The following ASCC3 variants were observed in gnomAD, a reference collection of about 807,000 sequenced individuals.
The protein encoded by ASCC3 is ASC-1 complex subunit P200.
In ASCC3, 158 loss-of-function variants were observed where a neutral mutation model predicts 256.3. The observed-to-expected ratio is 0.62, with a 90% confidence interval of 0.54 to 0.70. The LOEUF is 0.70. Among genes scored for constraint, ASCC3 ranks in the 30% least tolerant of loss-of-function variants. The probability of loss-of-function intolerance (pLI) is 0.00; values close to 1 mark genes in which losing one functional copy is unlikely to be tolerated. For synonymous variants in ASCC3, 948 were observed against 883.4 expected (o/e 1.07, Z -1.30); for missense variants, 2,259 against 2,626.0 (o/e 0.86, Z 3.05).
At chr6:100,577,353 T>A (rs1770925855) in intron 36 of ASCC3, among the ~76,000 whole-genome samples, 1 of 152,010 alleles carries the variant, frequency 6.6e-6, no homozygotes, top group Admixed American at 6.6e-5. Flanking sequence ...AAAGAGGGCC[T>A]CTATTCATGA....
At chr6:100,728,012 A>G (rs1248299536) in intron 10 of ASCC3, among the ~76,000 whole-genome samples, 1 of 152,160 alleles carries the variant, frequency 6.6e-6, no homozygotes, top group Admixed American at 6.6e-5. Flanking sequence ...ATCTGCAAAT[A>G]TAACATTATT....
Position 100,718,178 on chromosome 6 carries a change from G to C in ASCC3, c.1976C>G (p.Thr659Arg), listed in dbSNP as rs763808185. 1.2e-5 allele frequency: 20 copies of C among 1,613,580 alleles called. No individual in the cohort carries two copies. In the East Asian group the frequency reaches 4.2e-4, roughly 34 times the overall value. ...ATLPNYLDVA[T>R]FLHVNPYIGL... Reference sequence around the variant, plus strand: ...AATGTATGGATTAACATGTAAAAATGTGGCAACATCGAGGTAGTTAGGTAA... The same window carrying C: ...AATGTATGGATTAACATGTAAAAATCTGGCAACATCGAGGTAGTTAGGTAA... Residue 659 changes from threonine (T) to arginine (R), a missense_variant, in exon 12 of 42, where the codon ACA (threonine) becomes AGA (arginine). Around this residue, in one of 2 missense-constraint regions of ASCC3, gnomAD observed 1,839 missense variants for 2,206.7 expected, o/e 0.83. Transcript: ENST00000369162.
chr6:100,742,650 G>T (rs965864223), intron 10 of ASCC3, among the ~76,000 whole-genome samples: 1 of 152,182 alleles, frequency 6.6e-6, no homozygotes, highest in African/African-American at 2.4e-5. Flanking sequence ...TCTGGCCATG[G>T]TCTGGAAAAG....
chr6:100,804,594 T>C (rs1770076626), intron 5 of ASCC3, among the ~76,000 whole-genome samples: 1 of 151,862 alleles, frequency 6.6e-6, no homozygotes, highest in Admixed American at 6.6e-5. Context: ...CATTAAAAAA[T>C]GGGCAAAGGA....
chr6:100,622,462 C>G (rs1449802687), intron 30 of ASCC3, among the ~76,000 whole-genome samples: 1 of 151,972 alleles, frequency 6.6e-6, no homozygotes, highest in African/African-American at 2.4e-5. Context: ...GGTAAGTTTC[C>G]TGAAACCTCC....
chr6:100,759,435 C>G (rs1444762715), intron 10 of ASCC3, among the ~76,000 whole-genome samples: 1 of 152,080 alleles, frequency 6.6e-6, no homozygotes, highest in African/African-American at 2.4e-5. Flanking sequence ...CAGAAGGGGT[C>G]CAGTTTGAGT....
In ASCC3 at chr6:100,581,299, T is replaced by C. The variant is rs564598302; in HGVS notation, c.5550+8335A>G. 9.9e-5 allele frequency among the ~76,000 whole-genome samples: 15 copies of C among 152,144 alleles called. No homozygotes were observed. In the East Asian group the frequency reaches 2.7e-3, roughly 27 times the overall value. ...CTAACTGGTGTGAGATGGTATCTCA[T>C]TGTGGTTTTGATTTGCATTTCTCTG... On this transcript the variant is annotated intron_variant, in intron 36 of 41. Coordinates refer to ENST00000369162, the MANE Select transcript of ASCC3 (RefSeq NM_006828.4).
At chr6:100,720,426 T>C (rs1040675010) in intron 11 of ASCC3, among the ~76,000 whole-genome samples, 1 of 151,880 alleles carries the variant, frequency 6.6e-6, no homozygotes, top group African/African-American at 2.4e-5. Context: ...TTTCCATAGA[T>C]GGATGGGTGG....
intron 33 of ASCC3, among the ~76,000 whole-genome samples, chr6:100,604,741 C>T (rs1582540837): frequency 6.6e-6 from 1 of 151,996 alleles, no homozygotes; most frequent in South Asian, 2.1e-4. Context: ...CCTTGCCTGG[C>T]TGACTTTTTA....
chr6:100,614,942 G>A (rs760828317), intron 30 of ASCC3, among the ~76,000 whole-genome samples: 2 of 151,918 alleles, frequency 1.3e-5, no homozygotes, highest in Non-Finnish European at 1.5e-5. Flanking sequence ...CTATCTTCAT[G>A]ATTGAGAATG....
In ASCC3 at chr6:100,607,183, GTTA is replaced by G. The variant is rs10570481; in HGVS notation, c.4786-98_4786-96del. The G allele has an allele frequency of 2.8e-3, 3,635 of 1,307,054 alleles. 75 individuals are homozygous for G. In the African/African-American group the frequency reaches 0.048, roughly 17 times the overall value. 81.0% of individuals were successfully genotyped at this position (1,307,054 alleles called of 1,614,324 possible). ...CAAAAAACATTAATTTTGTCTTTATGTTATTATATGGACATAAAATATAAGTCC... is the reference window on the plus strand; with the variant it reads ...CAAAAAACATTAATTTTGTCTTTATGTTATATGGACATAAAATATAAGTCC... On this transcript the variant is annotated intron_variant, in intron 30 of 41. Coordinates refer to ENST00000369162, the MANE Select transcript of ASCC3 (RefSeq NM_006828.4).
intron 33 of ASCC3, among the ~76,000 whole-genome samples, chr6:100,603,195 T>A (rs1582537935): frequency 6.6e-6 from 1 of 152,066 alleles, no homozygotes. Context: ...TATGAAATAC[T>A]ATGTAATACA....
chr6:100,538,862 G>GAA (rs879941076), intron 37 of ASCC3, among the ~76,000 whole-genome samples: 1 of 148,268 alleles, frequency 6.7e-6, no homozygotes, highest in Non-Finnish European at 1.5e-5. Context: ...TGGGTTTTAT[G>GAA]AAAAAAAAAA....
At chr6:100,593,959 T>C (rs1475950181) in intron 34 of ASCC3, among the ~76,000 whole-genome samples, 1 of 152,116 alleles carries the variant, frequency 6.6e-6, no homozygotes, top group Non-Finnish European at 1.5e-5. Flanking sequence ...TATATGTATA[T>C]ATATGTGTTT....
In ASCC3 at chr6:100,651,571, C is replaced by A; in HGVS notation, c.3064G>T (p.Asp1022Tyr). The stretch of plus-strand genomic sequence containing the variant: ...TCAAGAAATCTTACCTTAATTTGAT[C>A]AAATTCTTCAGCTTTGGAGACTATG... The part of the protein sequence containing the change: ...FAIVSKAEEF[D>Y]QIKVREEEIE... Residue 1022 changes from aspartate to tyrosine, a missense_variant, in exon 19 of 42, where the codon GAT (aspartate) becomes TAT (tyrosine). By Grantham distance (160) the Asp-to-Tyr change is radical. This residue lies in a region of ASCC3 where 1,839 missense variants were observed against 2,206.7 expected (regional missense o/e 0.83). Transcript: ENST00000369162. 1.9e-6 allele frequency: 3 copies of A among 1,571,588 alleles called. No individual in the cohort carries two copies. Among genetic ancestry groups the A allele is most frequent in the South Asian group, 2.4e-5 (2 of 83,000 alleles).
chr6:100,802,140 G>T (rs1416098332), intron 5 of ASCC3, among the ~76,000 whole-genome samples: 1 of 151,702 alleles, frequency 6.6e-6, no homozygotes, highest in Non-Finnish European at 1.5e-5. Context: ...GAGTATAACA[G>T]GCAATTTCAA....
chr6:100,778,259 C>T (rs1020208630), intron 8 of ASCC3, among the ~76,000 whole-genome samples: 6 of 152,072 alleles, frequency 3.9e-5, no homozygotes, highest in Non-Finnish European at 7.4e-5. Flanking sequence ...TTCAAACAGG[C>T]AATTACATCA....
Position 100,757,816 on chromosome 6 carries a change from C to A in ASCC3, c.1737+8749G>T, listed in dbSNP as rs114781426. Among the ~76,000 whole-genome samples, 309 of 152,248 alleles carry A rather than the reference C, an allele frequency of 2.0e-3. 1 individual carries two copies. Among genetic ancestry groups the A allele is most frequent in the African/African-American group, 7.2e-3 (299 of 41,538 alleles). On this transcript the variant is annotated intron_variant, in intron 10 of 41. Coordinates refer to ENST00000369162, the MANE Select transcript of ASCC3 (RefSeq NM_006828.4). Reference sequence around the variant, plus strand: ...GGAGTTTCTTTCTGTGTATTCCAGACTGGTGAAGAAGCCCACAACTCAGAA... The same window carrying A: ...GGAGTTTCTTTCTGTGTATTCCAGAATGGTGAAGAAGCCCACAACTCAGAA...
intron 3 of ASCC3, among the ~76,000 whole-genome samples, chr6:100,852,764 C>T (rs539932915): frequency 4.6e-5 from 7 of 152,270 alleles, no homozygotes; most frequent in Non-Finnish European, 8.8e-5. Context: ...AACCTACATA[C>T]TTGGGTATCT....
Sources: gnomAD v4.1 joint callset for allele counts (sites outside exome capture counted in the v4.1 genomes callset) on GRCh38, gnomAD v4.1.1 for gene constraint, gnomAD v4.1.1 regional missense constraint, MANE v1.5 for transcripts, NCBI Gene and HGNC (gene_info 2026-07-23, HGNC 2026-07-21) for gene names.